MECOM: variants seen among roughly 807,000 people sequenced by gnomAD.
MECOM encodes MDS1 and EVI1 complex locus.
A neutral mutation model predicts 116.3 loss-of-function variants in MECOM; 13 were observed. The observed-to-expected ratio is 0.11, with a 90% CI of 0.07 to 0.18. The LOEUF is 0.18. MECOM is among the 10% of genes least tolerant of loss of function. MECOM has a pLI of 1.00. For synonymous variants in MECOM, 528 were observed against 535.2 expected (o/e 0.99, Z 0.19); for missense variants, 1,299 against 1,509.0 (o/e 0.86, Z 2.31).
intron 1 of MECOM, among the ~76,000 whole-genome samples, chr3:169,659,475 C>CTTTTTTTTTTTTTT (rs1775985692): frequency 2.2e-4 from 3 of 13,746 alleles, no homozygotes; most frequent in Admixed American, 8.3e-4. Flanking sequence ...TTTTTTTTTG[C>CTTTTTTTTTTTTTT]AAAACACATC....
chr3:169,357,398 C>T (rs913148191), intron 2 of MECOM, among the ~76,000 whole-genome samples: 2 of 151,820 alleles, frequency 1.3e-5, no homozygotes, highest in Admixed American at 6.6e-5. Flanking sequence ...CCATTTCTAC[C>T]TCCTGTTTGC....
chr3:169,096,906 G>A (rs145358434), intron 12 of MECOM, among the ~76,000 whole-genome samples: 10 of 151,126 alleles, frequency 6.6e-5, no homozygotes, highest in African/African-American at 1.7e-4. Flanking sequence ...CCTCACTTAC[G>A]ATATTAATAA....
chr3:169,127,548 C>G (rs998726788), intron 5 of MECOM, among the ~76,000 whole-genome samples: 2 of 152,106 alleles, frequency 1.3e-5, no homozygotes, highest in Non-Finnish European at 2.9e-5. Context: ...TGTTCCAGCA[C>G]TATATTTTCT....
In MECOM at chr3:169,115,908, G is replaced by A. The variant is rs746469319; in HGVS notation, c.1964C>T (p.Ser655Leu). ...SPSLEEQTAV[S>L]GAVNDSIKAI... ...CTTTATAGAATCATTCACAGCTCCT[G>A]ACACCGCAGTCTGCTCCTCTAAAGA... The change falls in exon 8 of 17, where the codon TCA becomes TTA. Residue 655 changes from serine to leucine, a missense_variant. Physicochemically the swap from Ser to Leu is moderately radical, Grantham distance 145 (BLOSUM62 -2). Coordinates refer to ENST00000651503, the MANE Select transcript of MECOM (RefSeq NM_004991.4). 1 of 1,614,076 alleles carries A rather than the reference G, an allele frequency of 6.2e-7. No individual in the cohort carries two copies. The highest frequency in any genetic ancestry group is 1.3e-5 in the African/African-American group (1 of 75,034).
chr3:169,456,673 G>C (rs1435204394), intron 1 of MECOM, among the ~76,000 whole-genome samples: 1 of 152,068 alleles, frequency 6.6e-6, no homozygotes, highest in Non-Finnish European at 1.5e-5. Context: ...CAAATTCCCT[G>C]TCCTAGGGGA....
At chr3:169,518,086 C>T (rs918207247) in intron 1 of MECOM, among the ~76,000 whole-genome samples, 6 of 152,118 alleles carry the variant, frequency 3.9e-5, no homozygotes, top group East Asian at 1.9e-4. Context: ...GGTGATACCC[C>T]GTCTTTACTG....
intron 2 of MECOM, among the ~76,000 whole-genome samples, chr3:169,183,708 C>G (rs1486735229): frequency 7.0e-6 from 1 of 142,256 alleles, no homozygotes; most frequent in Non-Finnish European, 1.5e-5. Context: ...AGGGAGAAAG[C>G]AATCTGGAGG....
At chr3:169,613,534 G>A (rs939183125) in intron 1 of MECOM, 1 of 152,098 alleles carries the variant, frequency 6.6e-6, no homozygotes, top group African/African-American at 2.4e-5. Context: ...CTGTATCTCT[G>A]GCTTTGGAGC....
At chr3:169,371,462 ATGTAT>A (rs1730110682) in intron 2 of MECOM, among the ~76,000 whole-genome samples, 1 of 151,710 alleles carries the variant, frequency 6.6e-6, no homozygotes, top group African/African-American at 2.4e-5. Context: ...GTTAATAATA[ATGTAT>A]TGTATACATG....
At chr3:169,180,311 C>A (rs1240524048) in intron 2 of MECOM, among the ~76,000 whole-genome samples, 2 of 152,012 alleles carry the variant, frequency 1.3e-5, no homozygotes, top group Non-Finnish European at 2.9e-5. Flanking sequence ...AAAGGTTTTA[C>A]CATCTAATTT....
In MECOM at chr3:169,341,779, G is replaced by A. The variant is rs566433728; in HGVS notation, c.375+39408C>T. ...AACAAATGAATAAAACCTACTGTTT[G>A]ATAGCACAACAAGGTGTCTATAATG... On this transcript the variant is annotated intron_variant, in intron 2 of 16. Coordinates refer to ENST00000651503, the MANE Select transcript of MECOM (RefSeq NM_004991.4). Among the ~76,000 whole-genome samples the A allele has an allele frequency of 3.3e-5, 5 of 150,780 alleles. No individual in the cohort carries two copies. The East Asian group carries it at 9.8e-4, about 29-fold the overall frequency.
At chr3:169,461,675 T>G (rs897979510) in intron 1 of MECOM, among the ~76,000 whole-genome samples, 2 of 152,094 alleles carry the variant, frequency 1.3e-5, no homozygotes, top group Admixed American at 6.6e-5. Flanking sequence ...AAAATAAATT[T>G]TTGGAAGTGG....
intron 16 of MECOM, among the ~76,000 whole-genome samples, chr3:169,088,659 C>T (rs1162410835): frequency 3.3e-5 from 5 of 152,010 alleles, no homozygotes; most frequent in Non-Finnish European, 4.4e-5. Context: ...AGTATAGACA[C>T]GGAAAATGAC....
intron 2 of MECOM, among the ~76,000 whole-genome samples, chr3:169,264,120 C>A (rs1433250545): frequency 6.6e-6 from 1 of 152,192 alleles, no homozygotes; most frequent in Non-Finnish European, 1.5e-5. Flanking sequence ...TAAGTGGACT[C>A]TGCCAAATGT....
chr3:169,566,788 C>T (rs949346460), intron 1 of MECOM, among the ~76,000 whole-genome samples: 3 of 152,232 alleles, frequency 2.0e-5, no homozygotes, highest in African/African-American at 4.8e-5. Context: ...TGCTTTCCCT[C>T]GTCTGCCCAC....
rs1255613781 is a variant in MECOM, at chr3:169,594,174, A to AAAAAAAAAAAAAAAAAAAAAAAAAAAC, written c.37+69161_37+69162insGTTTTTTTTTTTTTTTTTTTTTTTTTT. On this transcript the variant is annotated intron_variant, in intron 1 of 16. Transcript: ENST00000651503. ...CACCACAAAAAAAAAAAAAAAAAAAAAACACCTTTTCACCTAAGTACCTCA... is the reference window on the plus strand; with the variant it reads ...CACCACAAAAAAAAAAAAAAAAAAAAAAAAAAAAAAAAAAAAAAAAAAAAAACAACACCTTTTCACCTAAGTACCTCA... Among the ~76,000 whole-genome samples, 23 of 125,950 alleles carry AAAAAAAAAAAAAAAAAAAAAAAAAAAC rather than the reference A, an allele frequency of 1.8e-4. 2 individuals carry two copies. The highest frequency in any genetic ancestry group is 7.4e-4 in the South Asian group (3 of 4,070). The allele number at this position is 125,950 out of a possible 152,430, so 82.6% of individuals were successfully genotyped here.
At chr3:169,553,023 T>C (rs1228788257) in intron 1 of MECOM, among the ~76,000 whole-genome samples, 1 of 151,850 alleles carries the variant, frequency 6.6e-6, no homozygotes, top group Admixed American at 6.6e-5. Context: ...ATAACTGAAA[T>C]GACCTCAGAG....
rs151013340 is a variant in MECOM at position 169,625,789 on chromosome 3, C to A, written c.37+37547G>T. Among the ~76,000 whole-genome samples, 695 of 152,288 alleles carry A rather than the reference C, an allele frequency of 4.6e-3. 16 individuals carry two copies. The highest frequency in any genetic ancestry group is 9.1e-4 in the Non-Finnish European group (62 of 68,024). On this transcript the variant is annotated intron_variant, in intron 1 of 16. Coordinates refer to ENST00000651503, the MANE Select transcript of MECOM (RefSeq NM_004991.4). Reference sequence around the variant, plus strand: ...CAGTAAAAATATTTGGCAATGTGAGCTTCGTTTCCATCTGAGAATCTCAAG... The same window carrying A: ...CAGTAAAAATATTTGGCAATGTGAGATTCGTTTCCATCTGAGAATCTCAAG...
intron 1 of MECOM, among the ~76,000 whole-genome samples, chr3:169,662,725 C>A (rs1372997749): frequency 6.6e-6 from 1 of 152,078 alleles, no homozygotes. Flanking sequence ...CCCGCCCGCC[C>A]GCGCAACTTC....
Sources: allele counts gnomAD v4.1 joint callset (sites outside exome capture counted in the v4.1 genomes callset), GRCh38; gene constraint gnomAD v4.1.1; transcripts MANE v1.5; gene names NCBI Gene and HGNC (gene_info 2026-07-23, HGNC 2026-07-21).